LTA4H: variants seen among roughly 807,000 people sequenced by gnomAD.
LTA4H encodes leukotriene A4 hydrolase, also known as leukotriene A-4 hydrolase.
In LTA4H, 59 loss-of-function variants were observed where a neutral mutation model predicts 89.8. The ratio of observed to expected loss-of-function variants is 0.66; its 90% CI spans 0.53 to 0.82. LTA4H has a LOEUF of 0.82. LTA4H is among the 40% of genes least tolerant of loss of function. LTA4H has a pLI of 0.00. For synonymous variants in LTA4H, 227 were observed against 253.1 expected (o/e 0.90, Z 0.98); for missense variants, 617 against 727.0 (o/e 0.85, Z 1.74).
chr12:96,015,517 T>C (rs759032244), intron 11 of LTA4H, 66 bp downstream of exon 11: 30 of 1,190,224 alleles, frequency 2.5e-5, no homozygotes, highest in Non-Finnish European at 3.3e-5. Context: ...GACGCTTTTA[T>C]AAAAACTCAG....
upstream of LTA4H, among the ~76,000 whole-genome samples, chr12:96,040,561 A>G (rs1950679794): frequency 6.6e-6 from 1 of 152,058 alleles, no homozygotes; most frequent in South Asian, 2.1e-4. Context: ...CCTTTTCTCT[A>G]TTCTTTTCCT....
chr12:96,031,984 C>A (rs2136918625), intron 1 of LTA4H, among the ~76,000 whole-genome samples: 1 of 152,266 alleles, frequency 6.6e-6, no homozygotes, highest in East Asian at 1.9e-4. Context: ...AACTAAAAAA[C>A]CACCTTGATT....
chr12:96,016,823 C>T (rs1950383655), intron 10 of LTA4H, among the ~76,000 whole-genome samples: 1 of 151,832 alleles, frequency 6.6e-6, no homozygotes, highest in Non-Finnish European at 1.5e-5. Flanking sequence ...ATCACTTGAA[C>T]CTGGGAGGCA....
At chr12:96,018,044 C>T (rs1197269386) in intron 8 of LTA4H, among the ~76,000 whole-genome samples, 1 of 152,090 alleles carries the variant, frequency 6.6e-6, no homozygotes, top group African/African-American at 2.4e-5. Flanking sequence ...TTAAACATAG[C>T]AGCGTTCTAT....
intron 2 of LTA4H, among the ~76,000 whole-genome samples, chr12:96,028,303 T>A (rs116131595): frequency 7.2e-4 from 110 of 152,294 alleles, no homozygotes; most frequent in Admixed American, 1.8e-3. Flanking sequence ...GACCTCCCTA[T>A]GCCACAGTTT....
At chr12:96,019,082 A>G in intron 7 of LTA4H, 86 bp downstream of exon 7, 3 of 1,291,724 alleles carry the variant, frequency 2.3e-6, no homozygotes, top group Non-Finnish European at 3.3e-6. Flanking sequence ...CTTTCCCCGT[A>G]TCACTTAAAA....
upstream of LTA4H, among the ~76,000 whole-genome samples, chr12:96,037,813 C>T (rs1375416202): frequency 6.6e-6 from 1 of 151,438 alleles, no homozygotes; most frequent in Non-Finnish European, 1.5e-5. Context: ...CTGCCTGAGC[C>T]TCCAAGGACT....
rs1483603322 is a variant in LTA4H, at chr12:96,015,615, C to T, written c.1027G>A (p.Ala343Thr). 1 of 1,613,954 alleles carries T rather than the reference C, an allele frequency of 6.2e-7. No individual in the cohort carries two copies. The highest frequency in any genetic ancestry group is 1.7e-5 in the Admixed American group (1 of 60,018). Residue 343 changes from alanine to threonine, a missense_variant, in exon 11 of 19, where the codon GCT becomes ACT. Ala to Thr is a moderately conservative substitution (Grantham distance 58). Around this residue, in one of 3 missense-constraint regions of LTA4H, gnomAD observed 290 missense variants for 339.1 expected, o/e 0.86. Coordinates refer to ENST00000228740, the MANE Select transcript of LTA4H (RefSeq NM_000895.3). ...LFGEKFRHFN[A>T]LGGWGELQNS... is the part of the protein sequence containing the mutation. ...TGTAGTTCTCCCCATCCTCCCAGAG[C>T]ATTAAAATGTCTGAACTTTTCACCA...
chr12:96,031,486 G>A (rs1950571966), intron 1 of LTA4H, among the ~76,000 whole-genome samples: 1 of 152,162 alleles, frequency 6.6e-6, no homozygotes, highest in African/African-American at 2.4e-5. Flanking sequence ...AAACTGGATT[G>A]TTGACAAGTT....
At chr12:96,009,435 A>C (rs1950260655) in intron 14 of LTA4H, 1 of 373,130 alleles carries the variant, frequency 2.7e-6, no homozygotes, top group African/African-American at 2.1e-5. Flanking sequence ...AGTATATGCT[A>C]AAGTAGTTGG....
At chr12:96,034,809 T>C (rs991841241) in intron 1 of LTA4H, among the ~76,000 whole-genome samples, 2 of 152,180 alleles carry the variant, frequency 1.3e-5, no homozygotes, top group African/African-American at 4.8e-5. Flanking sequence ...TTGAAATAAG[T>C]GTTCCCGGGA....
At chr12:96,004,140 T>C (rs1035656366) in intron 16 of LTA4H, among the ~76,000 whole-genome samples, 2 of 152,232 alleles carry the variant, frequency 1.3e-5, no homozygotes, top group African/African-American at 4.8e-5. Flanking sequence ...TAATTTACTT[T>C]GTGAAGTATT....
chr12:96,023,361 C>T (rs1484832143), intron 4 of LTA4H, among the ~76,000 whole-genome samples: 2 of 152,148 alleles, frequency 1.3e-5, no homozygotes, highest in Non-Finnish European at 2.9e-5. Flanking sequence ...GGTCATAAAA[C>T]TTGTTCAAGT....
chr12:96,043,312 G>C, exon 1 of LTA4H: 3 of 1,535,308 alleles, frequency 2.0e-6, no homozygotes, highest in Non-Finnish European at 2.6e-6. Context: ...AGAAGTCGAC[G>C]AGTCTTAACT....
upstream of LTA4H, among the ~76,000 whole-genome samples, chr12:96,038,619 T>G (rs990446046): frequency 1.3e-5 from 2 of 151,824 alleles, no homozygotes; most frequent in Admixed American, 1.3e-4. Flanking sequence ...GCTCAAGGGA[T>G]CCACCTGCCT....
At chr12:96,017,509 A>G in intron 9 of LTA4H, 48 bp downstream of exon 9, 1 of 1,511,878 alleles carries the variant, frequency 6.6e-7, no homozygotes, top group African/African-American at 1.4e-5. Flanking sequence ...AAATCAGTTG[A>G]CGTAATACTT....
chr12:96,028,125 T>C (rs1240829854), intron 2 of LTA4H, among the ~76,000 whole-genome samples: 1 of 152,216 alleles, frequency 6.6e-6, no homozygotes, highest in Non-Finnish European at 1.5e-5. Context: ...TGTACAAAAG[T>C]ATCAGTCTAT....
intron 3 of LTA4H, among the ~76,000 whole-genome samples, chr12:96,025,748 G>T (rs1176033113): frequency 1.3e-5 from 2 of 151,190 alleles, no homozygotes; most frequent in Non-Finnish European, 2.9e-5. Context: ...GATCGCTTGA[G>T]CCCAGGAGTT....
intron 1 of LTA4H, 135 bp downstream of exon 1, chr12:96,035,226 A>T: frequency 1.2e-6 from 1 of 864,044 alleles, no homozygotes; most frequent in Non-Finnish European, 1.7e-6. Flanking sequence ...TGGAGGCTAC[A>T]GAAGAGCAGA....
Sources: gnomAD v4.1 joint callset for allele counts (sites outside exome capture counted in the v4.1 genomes callset) on GRCh38, gnomAD v4.1.1 for gene constraint, gnomAD v4.1.1 regional missense constraint, MANE v1.5 for transcripts, NCBI Gene and HGNC (gene_info 2026-07-23, HGNC 2026-07-21) for gene names.